The following QTMAN variants were observed in gnomAD, a reference collection of about 807,000 sequenced individuals.
The protein encoded by QTMAN is queuosine-tRNA mannosyltransferase, also known as tRNA-queuosine alpha-mannosyltransferase.
At chr2:144,130,092 G>GA in the QTMAN span, among the ~76,000 whole-genome samples, 783 of 118,158 alleles carry the variant, frequency 6.6e-3, 5 homozygotes, top group East Asian at 0.059. Flanking sequence ...CTAATTTCTG[G>GA]AAAAAAAAAA....
chr2:144,230,215 C>T, the QTMAN span: 4 of 152,056 alleles, frequency 2.6e-5, no homozygotes, highest in Non-Finnish European at 5.9e-5. Flanking sequence ...GAACAGACAG[C>T]GTACAAAAGG....
At chr2:144,022,583 G>A in the QTMAN span, among the ~76,000 whole-genome samples, 2 of 11,000 alleles carry the variant, frequency 1.8e-4, no homozygotes, top group African/African-American at 4.4e-4. Context: ...TTTTTTTTTT[G>A]AGATGTAGTC....
the QTMAN span, among the ~76,000 whole-genome samples, chr2:143,989,426 C>T: frequency 1.7e-4 from 26 of 152,206 alleles, no homozygotes; most frequent in Middle Eastern, 3.4e-3. Flanking sequence ...CAGAAAGGGA[C>T]ATACAGGGTA....
the QTMAN span, among the ~76,000 whole-genome samples, chr2:144,057,715 C>G: frequency 6.6e-6 from 1 of 152,212 alleles, no homozygotes; most frequent in Non-Finnish European, 1.5e-5. Flanking sequence ...AACTGAATCT[C>G]TTTTTTCAAG....
the QTMAN span, among the ~76,000 whole-genome samples, chr2:143,987,343 T>C: frequency 1.3e-5 from 2 of 152,212 alleles, no homozygotes; most frequent in African/African-American, 4.8e-5. Flanking sequence ...TGAGTCTTTC[T>C]AGACTCCGTG....
chr2:144,234,454 A>C, the QTMAN span, among the ~76,000 whole-genome samples: 1 of 152,168 alleles, frequency 6.6e-6, no homozygotes, highest in African/African-American at 2.4e-5. Flanking sequence ...CCAAATGAAA[A>C]GAAAGAATGA....
the QTMAN span, chr2:144,317,679 G>C: frequency 1.3e-5 from 2 of 152,180 alleles, no homozygotes; most frequent in Non-Finnish European, 2.9e-5. Context: ...GAACTCATCA[G>C]ACAAGGGAGT....
chr2:144,312,918 A>C, the QTMAN span, among the ~76,000 whole-genome samples: 2 of 152,210 alleles, frequency 1.3e-5, no homozygotes, highest in Non-Finnish European at 2.9e-5. Flanking sequence ...CTGTGAGTCA[A>C]TTAAACCTCT....
chr2:144,265,505 C>G, the QTMAN span, among the ~76,000 whole-genome samples: 1 of 151,900 alleles, frequency 6.6e-6, no homozygotes, highest in African/African-American at 2.4e-5. Flanking sequence ...AGACCATCCT[C>G]GCTAATACGG....
chr2:144,105,053 G>T, the QTMAN span, among the ~76,000 whole-genome samples: 8 of 152,346 alleles, frequency 5.3e-5, no homozygotes, highest in South Asian at 1.7e-3. Context: ...GGTCCTGACT[G>T]TTAGAAGGAA....
At chr2:144,303,219 A>T in the QTMAN span, among the ~76,000 whole-genome samples, 1 of 152,230 alleles carries the variant, frequency 6.6e-6, no homozygotes, top group Non-Finnish European at 1.5e-5. Context: ...AAACGGTATT[A>T]CCAAAGAAAC....
chr2:144,265,781 C>T, the QTMAN span, among the ~76,000 whole-genome samples: 1 of 152,218 alleles, frequency 6.6e-6, no homozygotes, highest in Non-Finnish European at 1.5e-5. Flanking sequence ...TTTAAGGTTA[C>T]AGCTCAAATG....
the QTMAN span, among the ~76,000 whole-genome samples, chr2:144,298,331 A>G: frequency 6.6e-6 from 1 of 152,148 alleles, no homozygotes; most frequent in Non-Finnish European, 1.5e-5. Context: ...GAATATTTTA[A>G]TTCTTAAGAT....
the QTMAN span, among the ~76,000 whole-genome samples, chr2:144,190,891 G>C: frequency 6.6e-6 from 1 of 152,120 alleles, no homozygotes; most frequent in Non-Finnish European, 1.5e-5. Context: ...TGCATCATTG[G>C]CAAGTCAACA....
chr2:144,068,188 A>G, the QTMAN span, among the ~76,000 whole-genome samples: 1 of 152,190 alleles, frequency 6.6e-6, no homozygotes, highest in Non-Finnish European at 1.5e-5. Context: ...TACTTCAAGT[A>G]TGTATGACAG....
At chr2:144,020,869 GAAC>G in the QTMAN span, among the ~76,000 whole-genome samples, 1 of 150,288 alleles carries the variant, frequency 6.7e-6, no homozygotes, top group Admixed American at 6.6e-5. Context: ...GGACATCCAA[GAAC>G]AATAAAGAGT....
chr2:144,198,987 A>G, the QTMAN span, among the ~76,000 whole-genome samples: 1 of 151,232 alleles, frequency 6.6e-6, no homozygotes, highest in Non-Finnish European at 1.5e-5. Flanking sequence ...AATCTTTAAC[A>G]TCCCCTTAGA....
chr2:144,290,437 C>T, the QTMAN span, among the ~76,000 whole-genome samples: 28 of 152,220 alleles, frequency 1.8e-4, no homozygotes, highest in Non-Finnish European at 5.9e-5. Context: ...CACAATCCTC[C>T]TTTCTGGTCT....
the QTMAN span, among the ~76,000 whole-genome samples, chr2:144,221,577 A>T: frequency 6.6e-6 from 1 of 152,146 alleles, no homozygotes. Context: ...TTTGTGCTTC[A>T]TTTTATTCTT....
Sources: allele counts gnomAD v4.1 joint callset (sites outside exome capture counted in the v4.1 genomes callset), GRCh38; gene constraint gnomAD v4.1.1; transcripts MANE v1.5; gene names NCBI Gene and HGNC (gene_info 2026-07-23, HGNC 2026-07-21).